CNTNAP5: variants seen among roughly 807,000 people sequenced by gnomAD.
CNTNAP5 encodes contactin-associated protein-like 5.
Under a neutral mutation model 150.2 loss-of-function variants are expected in CNTNAP5, and 72 were observed. That is an observed-to-expected ratio of 0.48 (90% CI 0.40 to 0.58). The LOEUF is 0.58. Among genes scored for constraint, CNTNAP5 ranks in the 20% least tolerant of loss-of-function variants. CNTNAP5 has a pLI of 0.00. For missense variants in CNTNAP5, 1,636 were observed against 1,626.2 expected (o/e 1.01, Z -0.10); for synonymous variants, 672 against 619.8 (o/e 1.08, Z -1.25).
chr2:124,909,793 C>G (rs1329075409), intron 22 of CNTNAP5, among the ~76,000 whole-genome samples: 1 of 135,060 alleles, frequency 7.4e-6, no homozygotes, highest in East Asian at 2.1e-4. Flanking sequence ...CACCCACTAT[C>G]ATCATTATCA....
intron 3 of CNTNAP5, 42 bp downstream of exon 3, chr2:124,242,435 G>A (rs1326611695): frequency 6.5e-7 from 1 of 1,549,344 alleles, no homozygotes; most frequent in Non-Finnish European, 8.8e-7. Flanking sequence ...ACTGAGATGT[G>A]CTAATGGTAA....
rs1678551592 is a variant in CNTNAP5 at position 124,660,040 on chromosome 2, AAGAAAGGAAGG to A, written c.2077+12084_2077+12094del. On this transcript the variant is annotated intron_variant, in intron 13 of 23. Transcript: ENST00000682447. ...GGAAGAAAGGAGGAAGGAAGGAAGGAAGAAAGGAAGGAAGGAAGGAAGGAAGGAAGGAAGGA... is the reference window on the plus strand; with the variant it reads ...GGAAGAAAGGAGGAAGGAAGGAAGGAAAGGAAGGAAGGAAGGAAGGAAGGA... Among the ~76,000 whole-genome samples, 5 of 54,392 alleles carry A rather than the reference AAGAAAGGAAGG, an allele frequency of 9.2e-5. No individual in the cohort carries two copies. The South Asian group carries it at 2.5e-3, about 28-fold the overall frequency. 35.7% of individuals were successfully genotyped at this position (54,392 alleles called of 152,430 possible).
At chr2:124,826,048 T>C (rs887133460) in intron 19 of CNTNAP5, among the ~76,000 whole-genome samples, 1 of 152,106 alleles carries the variant, frequency 6.6e-6, no homozygotes, top group African/African-American at 2.4e-5. Context: ...GTTTTTTATA[T>C]AACAAACATA....
At chr2:124,040,955 G>T (rs1267793214) in intron 1 of CNTNAP5, among the ~76,000 whole-genome samples, 1 of 152,024 alleles carries the variant, frequency 6.6e-6, no homozygotes, top group Non-Finnish European at 1.5e-5. Flanking sequence ...GTGCATTCTT[G>T]GTTTTGTCCT....
At chr2:124,521,647 G>A (rs1694848805) in intron 8 of CNTNAP5, among the ~76,000 whole-genome samples, 1 of 152,202 alleles carries the variant, frequency 6.6e-6, no homozygotes, top group Non-Finnish European at 1.5e-5. Context: ...GCCTAGCAGG[G>A]TGCTTGGCCT....
intron 14 of CNTNAP5, among the ~76,000 whole-genome samples, chr2:124,758,981 T>C (rs1428141924): frequency 6.6e-6 from 1 of 152,114 alleles, no homozygotes; most frequent in Non-Finnish European, 1.5e-5. Context: ...TAAATCATTT[T>C]CCAACAGGGA....
At chr2:124,419,942 T>TTCTTTC (rs1349787011) in intron 4 of CNTNAP5, among the ~76,000 whole-genome samples, 4 of 127,162 alleles carry the variant, frequency 3.1e-5, no homozygotes, top group Admixed American at 2.4e-4. Flanking sequence ...CTTTCTTTCT[T>TTCTTTC]TCTTTCTTTC....
chr2:124,122,818 G>A (rs1195972489), intron 1 of CNTNAP5, among the ~76,000 whole-genome samples: 1 of 151,552 alleles, frequency 6.6e-6, no homozygotes, highest in Non-Finnish European at 1.5e-5. Context: ...AGCTAACAGG[G>A]AGCAGATTGC....
chr2:124,453,044 G>A (rs1693026840), intron 6 of CNTNAP5, among the ~76,000 whole-genome samples: 1 of 151,998 alleles, frequency 6.6e-6, no homozygotes, highest in Non-Finnish European at 1.5e-5. Context: ...TGATTTACCT[G>A]AAAAATAATT....
chr2:124,751,180 G>A (rs1241616729), intron 14 of CNTNAP5, among the ~76,000 whole-genome samples: 7 of 150,830 alleles, frequency 4.6e-5, no homozygotes, highest in Admixed American at 2.0e-4. Context: ...GAAGCAGCTA[G>A]TTAAATAAAT....
At chr2:124,808,985 T>A (rs779554910) in intron 19 of CNTNAP5, among the ~76,000 whole-genome samples, 4 of 152,034 alleles carry the variant, frequency 2.6e-5, no homozygotes, top group Non-Finnish European at 4.4e-5. Flanking sequence ...AGACTTTTTT[T>A]TTTTCTCTAT....
At chr2:124,218,115 T>C (rs1170608) in intron 1 of CNTNAP5, among the ~76,000 whole-genome samples, 118,805 of 152,096 alleles carry the variant, frequency 0.78, 46,671 homozygotes, top group East Asian at 1. Flanking sequence ...TTAAAAAATA[T>C]AGACATTTGA....
At chr2:124,201,148 C>A (rs1685717794) in intron 1 of CNTNAP5, among the ~76,000 whole-genome samples, 1 of 152,172 alleles carries the variant, frequency 6.6e-6, no homozygotes, top group Admixed American at 6.5e-5. Flanking sequence ...CATCTGGTAC[C>A]AGGCGTGGAG....
chr2:124,144,190 T>G (rs1684189874), intron 1 of CNTNAP5, among the ~76,000 whole-genome samples: 1 of 46,574 alleles, frequency 2.1e-5, no homozygotes, highest in Non-Finnish European at 4.0e-5. Context: ...GTAGGAAGAA[T>G]CAATATCGTG....
At position 124,493,230 on chromosome 2, in the gene CNTNAP5, C is replaced by T. The variant is rs190055101; in HGVS notation, c.1063-11062C>T. ...TCTTTTCTGCGTCTATCAAGATGATCGTAAGATTTTTATCCTTAATTCCTT... is the reference window on the plus strand; with the variant it reads ...TCTTTTCTGCGTCTATCAAGATGATTGTAAGATTTTTATCCTTAATTCCTT... On this transcript the variant is annotated intron_variant, in intron 7 of 23. Transcript: ENST00000682447. Among the ~76,000 whole-genome samples the T allele has an allele frequency of 9.5e-4, 144 of 152,042 alleles. 1 individual carries two copies. Among genetic ancestry groups the T allele is most frequent in the Non-Finnish European group, 1.8e-3 (119 of 67,966 alleles).
chr2:124,042,095 A>T (rs1417491073), intron 1 of CNTNAP5, among the ~76,000 whole-genome samples: 1 of 152,150 alleles, frequency 6.6e-6, no homozygotes, highest in Non-Finnish European at 1.5e-5. Context: ...TCCTGACATT[A>T]GGTGACCCAC....
intron 6 of CNTNAP5, among the ~76,000 whole-genome samples, chr2:124,466,592 T>C (rs1439215560): frequency 6.6e-6 from 1 of 152,228 alleles, no homozygotes; most frequent in African/African-American, 2.4e-5. Context: ...GAATTAACTT[T>C]ATCAAGTGTT....
intron 14 of CNTNAP5, among the ~76,000 whole-genome samples, chr2:124,763,267 A>G (rs1573600928): frequency 6.6e-6 from 1 of 152,186 alleles, no homozygotes; most frequent in South Asian, 2.1e-4. Flanking sequence ...AAGTCCTTGG[A>G]GTGATTTTTG....
intron 1 of CNTNAP5, among the ~76,000 whole-genome samples, chr2:124,049,623 T>A (rs1360494940): frequency 6.6e-6 from 1 of 152,184 alleles, no homozygotes; most frequent in East Asian, 1.9e-4. Flanking sequence ...CCTTGTTACC[T>A]TCTGAGCTTC....
Sources: gnomAD v4.1 joint callset for allele counts (sites outside exome capture counted in the v4.1 genomes callset) on GRCh38, gnomAD v4.1.1 for gene constraint, MANE v1.5 for transcripts, NCBI Gene and HGNC (gene_info 2026-07-23, HGNC 2026-07-21) for gene names.